The following RABGAP1L variants were observed in gnomAD, a reference collection of about 807,000 sequenced individuals.
The protein encoded by RABGAP1L is rab GTPase-activating protein 1-like.
RABGAP1L carries 63 observed loss-of-function variants against 137.7 expected under a neutral mutation model. That is an observed-to-expected ratio of 0.46 (90% CI 0.37 to 0.56). RABGAP1L has a LOEUF of 0.56. Among genes scored for constraint, RABGAP1L ranks in the 20% least tolerant of loss-of-function variants. RABGAP1L has a pLI of 0.00. For synonymous variants in RABGAP1L, 431 were observed against 433.7 expected (o/e 0.99, Z 0.08); for missense variants, 1,095 against 1,244.0 (o/e 0.88, Z 1.80).
intron 11 of RABGAP1L, among the ~76,000 whole-genome samples, chr1:174,318,639 T>A (rs2148819973): frequency 6.6e-6 from 1 of 150,630 alleles, no homozygotes; most frequent in African/African-American, 2.4e-5. Flanking sequence ...TTTCTTTTTC[T>A]TTCTTTTTTG....
intron 13 of RABGAP1L, among the ~76,000 whole-genome samples, chr1:174,483,326 T>C (rs1487497246): frequency 6.6e-6 from 1 of 152,050 alleles, no homozygotes; most frequent in Non-Finnish European, 1.5e-5. Flanking sequence ...CCTTCTACTC[T>C]CTATCTCCCT....
At position 174,994,511 on chromosome 1, in the gene RABGAP1L, A is replaced by G. The variant is rs184561831; in HGVS notation, c.*4510A>G. 7 of 152,274 alleles carry G rather than the reference A, an allele frequency of 4.6e-5. No homozygotes were observed. In the South Asian group the frequency reaches 6.2e-4, roughly 14 times the overall value. The allele number at this position is 152,274 out of a possible 1,614,324, so 9.4% of individuals were successfully genotyped here. On this transcript the variant is annotated 3_prime_UTR_variant, in exon 26 of 26. Coordinates refer to ENST00000681986, the MANE Select transcript of RABGAP1L (RefSeq NM_001366446.1). ...GAGTAGAAAGTGAACATTTTAAGTTATTTTCCTTTTTCATTGGCAATTAGT... is the reference window on the plus strand; with the variant it reads ...GAGTAGAAAGTGAACATTTTAAGTTGTTTTCCTTTTTCATTGGCAATTAGT...
At chr1:174,774,168 T>C (rs1686338129) in intron 18 of RABGAP1L, among the ~76,000 whole-genome samples, 1 of 152,218 alleles carries the variant, frequency 6.6e-6, no homozygotes, top group Non-Finnish European at 1.5e-5. Context: ...ATGTAATAAC[T>C]AAAACGCCCA....
At chr1:174,172,451 G>A (rs774789226) in intron 1 of RABGAP1L, among the ~76,000 whole-genome samples, 1 of 152,086 alleles carries the variant, frequency 6.6e-6, no homozygotes, top group African/African-American at 2.4e-5. Flanking sequence ...TGTCTGTGTA[G>A]CAATTTACAT....
chr1:174,633,793 C>T (rs1456104865), intron 13 of RABGAP1L, among the ~76,000 whole-genome samples: 3 of 139,998 alleles, frequency 2.1e-5, no homozygotes, highest in Non-Finnish European at 4.6e-5. Flanking sequence ...AAAGGATTCC[C>T]TATTTAATAA....
chr1:174,679,227 G>T (rs968691759), intron 14 of RABGAP1L, among the ~76,000 whole-genome samples: 1 of 152,150 alleles, frequency 6.6e-6, no homozygotes, highest in African/African-American at 2.4e-5. Flanking sequence ...GGGTGTGCGG[G>T]TGTGAGCTAA....
At chr1:174,366,706 T>A (rs559894887) in intron 11 of RABGAP1L, among the ~76,000 whole-genome samples, 2 of 140,776 alleles carry the variant, frequency 1.4e-5, no homozygotes, top group Non-Finnish European at 3.0e-5. Context: ...ACCCAGAAGG[T>A]GAAGGTTGCA....
intron 1 of RABGAP1L, among the ~76,000 whole-genome samples, chr1:174,200,601 C>A (rs1156868789): frequency 6.6e-6 from 1 of 152,124 alleles, no homozygotes; most frequent in Non-Finnish European, 1.5e-5. Context: ...TTGAAGGTTA[C>A]AAATTGTGTT....
chr1:174,848,960 C>T (rs1334238228), intron 19 of RABGAP1L, among the ~76,000 whole-genome samples: 5 of 151,894 alleles, frequency 3.3e-5, no homozygotes, highest in African/African-American at 1.2e-4. Flanking sequence ...GTCTGAAAAG[C>T]GCAATATTCG....
intron 19 of RABGAP1L, among the ~76,000 whole-genome samples, chr1:174,856,360 A>C (rs139731889): frequency 2.7e-5 from 4 of 150,740 alleles, no homozygotes; most frequent in African/African-American, 4.9e-5. Flanking sequence ...GTGCCACTGC[A>C]CTCCAGCCTG....
chr1:174,603,114 G>A (rs1392378527), intron 13 of RABGAP1L, among the ~76,000 whole-genome samples: 1 of 152,080 alleles, frequency 6.6e-6, no homozygotes, highest in Non-Finnish European at 1.5e-5. Flanking sequence ...GCATTCTGAA[G>A]GAATTGAGTA....
intron 19 of RABGAP1L, among the ~76,000 whole-genome samples, chr1:174,916,190 A>G (rs1045881650): frequency 9.5e-5 from 14 of 147,306 alleles, no homozygotes; most frequent in African/African-American, 2.8e-4. Flanking sequence ...TCTTTCCCCT[A>G]TTGAATTTCC....
intron 19 of RABGAP1L, among the ~76,000 whole-genome samples, chr1:174,842,827 A>G (rs924013153): frequency 6.6e-6 from 1 of 152,178 alleles, no homozygotes; most frequent in African/African-American, 2.4e-5. Context: ...AAAACTATAT[A>G]TAATCACTAA....
At chr1:174,473,951 A>G (rs988871490) in intron 13 of RABGAP1L, among the ~76,000 whole-genome samples, 10 of 152,134 alleles carry the variant, frequency 6.6e-5, no homozygotes, top group African/African-American at 2.4e-4. Flanking sequence ...CTTTTCTAGA[A>G]CTTCTTTGAC....
chr1:174,181,646 G>A (rs1481227992), intron 1 of RABGAP1L, among the ~76,000 whole-genome samples: 1 of 152,088 alleles, frequency 6.6e-6, no homozygotes, highest in African/African-American at 2.4e-5. Flanking sequence ...CTGTACAAGG[G>A]TCTTGAGCAT....
chr1:174,826,383 A>G (rs568854825), intron 19 of RABGAP1L, among the ~76,000 whole-genome samples: 1 of 152,156 alleles, frequency 6.6e-6, no homozygotes, highest in South Asian at 2.1e-4. Flanking sequence ...CACCATCCTC[A>G]GCTAATTTTT....
intron 13 of RABGAP1L, chr1:174,548,025 C>T: frequency 1.3e-6 from 2 of 1,550,574 alleles, no homozygotes; most frequent in South Asian, 2.4e-5. Context: ...TCCTAAAACA[C>T]CAACTTATTA....
intron 14 of RABGAP1L, among the ~76,000 whole-genome samples, chr1:174,643,807 T>G (rs1417180583): frequency 6.6e-6 from 1 of 152,138 alleles, no homozygotes; most frequent in Non-Finnish European, 1.5e-5. Context: ...CCAATTCTGC[T>G]TTATTGCCAA....
intron 19 of RABGAP1L, among the ~76,000 whole-genome samples, chr1:174,835,973 C>T (rs1489097490): frequency 6.6e-6 from 1 of 152,204 alleles, no homozygotes; most frequent in African/African-American, 2.4e-5. Flanking sequence ...AGTTGAAATT[C>T]CTAAAATGAC....
Sources: gnomAD v4.1 joint callset for allele counts (sites outside exome capture counted in the v4.1 genomes callset) on GRCh38, gnomAD v4.1.1 for gene constraint, MANE v1.5 for transcripts, NCBI Gene and HGNC (gene_info 2026-07-23, HGNC 2026-07-21) for gene names.